The following ENOSF1 variants were observed in gnomAD, a reference collection of about 807,000 sequenced individuals.
ENOSF1 encodes the protein mitochondrial enolase superfamily member 1.
In ENOSF1, 73 loss-of-function variants were observed where a neutral mutation model predicts 68.2. The observed-to-expected ratio is 1.07, with a 90% CI of 0.89 to 1.30. The LOEUF is 1.30. Among genes scored for constraint, ENOSF1 ranks in the 50% most tolerant of loss-of-function variants. The pLI is 0.00. For missense variants in ENOSF1, 589 were observed against 554.5 expected, an observed-to-expected ratio of 1.06 and a Z score of -0.62; for synonymous variants, 223 against 210.4, an observed-to-expected ratio of 1.06 and a Z score of -0.52.
In ENOSF1 at chr18:671,869, T is replaced by A. The variant is rs1157544702; in HGVS notation, c.*2436A>T. ...ATCTCAGCTCACTGCAACCTCCACC[T>A]CCCGGGTTCAAGCAATTCTTCTGCC... On this transcript the variant is annotated 3_prime_UTR_variant, in exon 16 of 16. Transcript: ENST00000647584. 1 of 177,926 alleles carries A rather than the reference T, an allele frequency of 5.6e-6. No homozygotes were observed. Among genetic ancestry groups the A allele is most frequent in the Non-Finnish European group, 1.2e-5 (1 of 86,096 alleles). The allele number at this position is 177,926 out of a possible 1,614,324, so 11.0% of individuals were successfully genotyped here. A position where few individuals can be genotyped will look rare whatever the true frequency, so the allele number is the denominator to read the frequency against.
At chr18:691,168 T>C (rs767306473) in intron 6 of ENOSF1, 36 bp downstream of exon 6, 13 of 1,613,388 alleles carry the variant, frequency 8.1e-6, no homozygotes, top group Admixed American at 5.0e-5. Context: ...CTACTGTGTG[T>C]GCACGTCGTG....
intron 9 of ENOSF1, 147 bp downstream of exon 9, chr18:688,427 G>A: frequency 2.2e-6 from 2 of 915,878 alleles, no homozygotes; most frequent in Admixed American, 2.4e-5. Context: ...CCTGGCCTAA[G>A]GGGAAACTTC....
chr18:691,146 C>T, intron 6 of ENOSF1, 40 bp from the exon 7 acceptor site: 1 of 1,613,864 alleles, frequency 6.2e-7, no homozygotes, highest in South Asian at 1.1e-5. Flanking sequence ...TTTTAGGAAA[C>T]AAAGCATGCC....
chr18:682,927 A>AC (rs1036042309), intron 11 of ENOSF1: 16 of 232,274 alleles, frequency 6.9e-5, no homozygotes, highest in Non-Finnish European at 1.3e-4. Context: ...AAAAACAAAA[A>AC]AAAAAAATGC....
intron 14 of ENOSF1, among the ~76,000 whole-genome samples, chr18:676,684 T>C (rs2075556927): frequency 6.6e-6 from 1 of 152,226 alleles, no homozygotes; most frequent in Non-Finnish European, 1.5e-5. Flanking sequence ...AGTTCGGCTA[T>C]ATTAAAAGAC....
downstream of ENOSF1, among the ~76,000 whole-genome samples, chr18:666,726 T>C (rs1384599369): frequency 6.6e-6 from 1 of 152,254 alleles, no homozygotes; most frequent in African/African-American, 2.4e-5. Flanking sequence ...TGTTAAATGT[T>C]AGCAACTTCA....
chr18:696,748 T>C (rs2741175), intron 3 of ENOSF1, among the ~76,000 whole-genome samples: 50,628 of 151,982 alleles, frequency 0.33, 8,736 homozygotes, highest in Non-Finnish European at 0.37. Context: ...ATGAGTTGTT[T>C]ACCTCAAAAT....
intron 8 of ENOSF1, among the ~76,000 whole-genome samples, chr18:689,657 T>C (rs556726791): frequency 1.3e-4 from 20 of 152,084 alleles, no homozygotes; most frequent in Non-Finnish European, 2.6e-4. Context: ...CCATGTGACA[T>C]AAGAAGGAAT....
At chr18:711,370 GAAGT>G (rs2079522004) in intron 1 of ENOSF1, among the ~76,000 whole-genome samples, 1 of 152,070 alleles carries the variant, frequency 6.6e-6, no homozygotes, top group African/African-American at 2.4e-5. Context: ...CCCAATTTAG[GAAGT>G]AAAACATTAC....
chr18:697,194 T>C (rs754737726), intron 3 of ENOSF1, 46 bp downstream of exon 3: 2 of 1,274,182 alleles, frequency 1.6e-6, no homozygotes, highest in Non-Finnish European at 2.3e-6. Context: ...ATCTCAGACC[T>C]TGGTAATATT....
chr18:669,798 A>G (rs993502007), downstream of ENOSF1, among the ~76,000 whole-genome samples: 3 of 151,856 alleles, frequency 2.0e-5, no homozygotes, highest in Non-Finnish European at 4.4e-5. Context: ...GTAAAATTCA[A>G]CTCTACCAGG....
chr18:679,630 G>C (rs1170838259), intron 11 of ENOSF1, among the ~76,000 whole-genome samples: 1 of 151,944 alleles, frequency 6.6e-6, no homozygotes, highest in African/African-American at 2.4e-5. Context: ...AGGTTAGGCT[G>C]AGACCATTGC....
intron 1 of ENOSF1, among the ~76,000 whole-genome samples, chr18:709,654 A>C (rs1226733034): frequency 6.6e-6 from 1 of 151,966 alleles, no homozygotes; most frequent in African/African-American, 2.4e-5. Flanking sequence ...ACCTGTAATC[A>C]CAGCTACTCC....
downstream of ENOSF1, among the ~76,000 whole-genome samples, chr18:666,607 G>C (rs906592562): frequency 1.3e-5 from 2 of 152,196 alleles, no homozygotes; most frequent in African/African-American, 2.4e-5. Context: ...TCTCATCTAA[G>C]GGGACAGTCA....
At chr18:701,285 G>C (rs2078312962) in intron 2 of ENOSF1, among the ~76,000 whole-genome samples, 1 of 151,996 alleles carries the variant, frequency 6.6e-6, no homozygotes, top group Non-Finnish European at 1.5e-5. Context: ...ACAGACTTTG[G>C]GTGATCATGA....
At position 670,980 on chromosome 18, in the gene ENOSF1, T is replaced by C; in HGVS notation, c.*3325A>G. On this transcript the variant is annotated 3_prime_UTR_variant, in exon 16 of 16. Coordinates refer to ENST00000647584, the MANE Select transcript of ENOSF1 (RefSeq NM_017512.7). The stretch of plus-strand genomic sequence containing the variant: ...GTCTCTGATTAGCTTTTAAATTTGA[T>C]ATGTGTAAGTAAGAAATGAACCAGC... 1 of 1,284,202 alleles carries C rather than the reference T, an allele frequency of 7.8e-7. No individual in the cohort carries two copies. Among genetic ancestry groups the C allele is most frequent in the Admixed American group, 2.6e-5 (1 of 38,812 alleles). 79.6% of individuals were successfully genotyped at this position (1,284,202 alleles called of 1,614,324 possible).
At chr18:711,976 C>A (rs2079600910) in intron 1 of ENOSF1, among the ~76,000 whole-genome samples, 1 of 152,182 alleles carries the variant, frequency 6.6e-6, no homozygotes, top group African/African-American at 2.4e-5. Context: ...CAGCCCCGGG[C>A]TTCCCGTTCT....
rs115778295 is a variant in ENOSF1, at chr18:688,711, T to C, written c.619-103A>G. ...TTTCACAAGCATTACGGTTATAGCA[T>C]AGACCAGAGTAACACCCATGTGTTG... is the stretch of plus-strand genomic sequence containing the variant. On this transcript the variant is annotated intron_variant, in intron 8 of 15. Coordinates refer to ENST00000647584, the MANE Select transcript of ENOSF1 (RefSeq NM_017512.7). 5.1e-3 allele frequency: 5,102 copies of C among 1,002,482 alleles called. 165 individuals carry two copies. The African/African-American group carries it at 0.072, about 14-fold the overall frequency. The allele number at this position is 1,002,482 out of a possible 1,614,324, so 62.1% of individuals were successfully genotyped here. A position where few individuals can be genotyped will look rare whatever the true frequency, so the allele number is the denominator to read the frequency against.
chr18:708,598 G>A (rs1009893742), intron 1 of ENOSF1, among the ~76,000 whole-genome samples: 3 of 152,130 alleles, frequency 2.0e-5, no homozygotes, highest in Admixed American at 6.5e-5. Context: ...AACTATGAAC[G>A]ACTGGCAGAG....
Sources: allele counts gnomAD v4.1 joint callset (sites outside exome capture counted in the v4.1 genomes callset), GRCh38; gene constraint gnomAD v4.1.1; transcripts MANE v1.5; gene names NCBI Gene and HGNC (gene_info 2026-07-23, HGNC 2026-07-21).